The following LZTS1 variants were observed in gnomAD, a reference collection of about 807,000 sequenced individuals.
LZTS1 encodes the protein leucine zipper tumor suppressor 1.
LZTS1 carries 31 observed loss-of-function variants against 45.8 expected under a neutral mutation model. The observed-to-expected ratio is 0.68, with a 90% CI of 0.51 to 0.91. The LOEUF (loss-of-function observed/expected upper bound fraction) is 0.91. Ranked by LOEUF, LZTS1 falls within the 40% of genes least tolerant of loss-of-function variation. The pLI is 0.00. For synonymous variants in LZTS1, 359 were observed against 357.3 expected, an observed-to-expected ratio of 1.00 and a Z score of -0.05; for missense variants, 821 against 788.9, an observed-to-expected ratio of 1.04 and a Z score of -0.49.
intron 1 of LZTS1, among the ~76,000 whole-genome samples, chr8:20,256,265 G>A (rs1400004013): frequency 6.6e-6 from 1 of 152,094 alleles, no homozygotes; most frequent in African/African-American, 2.4e-5. Context: ...AGGAGAAACA[G>A]AAACCAGGAG....
rs1799893445 is a variant in LZTS1, at chr8:20,251,137, AT to A, written c.1150-775del. Among the ~76,000 whole-genome samples, 18 of 89,112 alleles carry A rather than the reference AT, an allele frequency of 2.0e-4. 1 individual carries two copies. The highest frequency in any genetic ancestry group is 7.0e-4 in the Admixed American group (6 of 8,512). 58.5% of individuals were successfully genotyped at this position (89,112 alleles called of 152,430 possible). A position where few individuals can be genotyped will look rare whatever the true frequency, so the allele number is the denominator to read the frequency against. On this transcript the variant is annotated intron_variant, in intron 3 of 3. Transcript: ENST00000381569. ...TATATATATATATATATATATATAT[AT>A]ATATATATATAAAATATAAAGTATA...
intron 1 of LZTS1, among the ~76,000 whole-genome samples, chr8:20,285,517 C>T (rs577840739): frequency 3.3e-5 from 5 of 152,034 alleles, no homozygotes; most frequent in African/African-American, 7.2e-5. Flanking sequence ...TGAATATAAC[C>T]GAAGTTGTGT....
chr8:20,273,427 C>A (rs1183034248), intron 1 of LZTS1, among the ~76,000 whole-genome samples: 1 of 152,190 alleles, frequency 6.6e-6, no homozygotes, highest in East Asian at 1.9e-4. Context: ...AAACATCCAA[C>A]TGCGCTTCCC....
intron 1 of LZTS1, among the ~76,000 whole-genome samples, chr8:20,290,853 AC>A (rs1800889035): frequency 6.6e-6 from 1 of 152,000 alleles, no homozygotes; most frequent in South Asian, 2.1e-4. Context: ...AAGGAGAATA[AC>A]CCCACTTCTG....
At chr8:20,265,962 A>C (rs1800345445) in intron 1 of LZTS1, among the ~76,000 whole-genome samples, 2 of 152,114 alleles carry the variant, frequency 1.3e-5, no homozygotes, top group South Asian at 4.1e-4. Flanking sequence ...GATAGCACTA[A>C]AGCTTCTTTG....
Position 20,253,028 on chromosome 8 carries a change from G to T in LZTS1, c.903C>A (p.Arg301=). Residue 301 remains arginine (R), a synonymous_variant, in exon 3 of 4, where the codon CGC becomes CGA. Transcript: ENST00000381569. ...SSLAYEERPR[R]CRDELEGPEP... ...CCGGGCCCTCCAGCTCGTCCCTGCAGCGCCGCGGCCGCTCCTCGTAGGCCA... is the reference window on the plus strand; with the variant it reads ...CCGGGCCCTCCAGCTCGTCCCTGCATCGCCGCGGCCGCTCCTCGTAGGCCA... 6.2e-7 allele frequency: 1 copy of T among 1,601,792 alleles called. No individual in the cohort carries two copies.
At chr8:20,270,155 C>T (rs759974535) in intron 1 of LZTS1, among the ~76,000 whole-genome samples, 111 of 152,372 alleles carry the variant, frequency 7.3e-4, no homozygotes, top group Admixed American at 1.3e-3. Flanking sequence ...TTCAGTGCGC[C>T]GCGAGGCCCA....
chr8:20,254,771 T>G lies in LZTS1; in HGVS notation c.345+66A>C, dbSNP rs540174968. The G allele has an allele frequency of 1.0e-4, 139 of 1,345,466 alleles. 3 individuals are homozygous for G. The South Asian group carries it at 1.9e-3, about 19-fold the overall frequency. The allele number at this position is 1,345,466 out of a possible 1,614,324, so 83.3% of individuals were successfully genotyped here. ...CCACTCCCCCTGAACCCCCAGGCTCTCCACCCCCATTTTGCTTTCTCCTGC... is the reference window on the plus strand; with the variant it reads ...CCACTCCCCCTGAACCCCCAGGCTCGCCACCCCCATTTTGCTTTCTCCTGC... On this transcript the variant is annotated intron_variant, in intron 2 of 3. Transcript: ENST00000381569.
chr8:20,260,216 T>A (rs1800197223), intron 1 of LZTS1, among the ~76,000 whole-genome samples: 1 of 152,158 alleles, frequency 6.6e-6, no homozygotes, highest in Non-Finnish European at 1.5e-5. Flanking sequence ...CTTATTTTAT[T>A]GATGATTGAT....
intron 1 of LZTS1, among the ~76,000 whole-genome samples, chr8:20,281,256 A>G (rs1335167649): frequency 6.6e-6 from 1 of 152,006 alleles, no homozygotes; most frequent in Admixed American, 6.6e-5. Flanking sequence ...ACCGGGGTGG[A>G]TCCCTCAAGA....
Position 20,250,788 on chromosome 8 carries a change from G to A in LZTS1, c.1150-425C>T, listed in dbSNP as rs1016458516. ...TGATTTTTGTATTTTTAGTAGAGAC[G>A]GGGTTTCCTCATGTTGGCCAGGCTG... On this transcript the variant is annotated intron_variant, in intron 3 of 3. Coordinates refer to ENST00000381569, the MANE Select transcript of LZTS1 (RefSeq NM_021020.5). Among the ~76,000 whole-genome samples, 11 of 151,820 alleles carry A rather than the reference G, an allele frequency of 7.2e-5. 1 individual carries two copies. The highest frequency in any genetic ancestry group is 5.9e-4 in the Admixed American group (9 of 15,238).
chr8:20,301,508 T>A (rs1202952436), intron 1 of LZTS1, among the ~76,000 whole-genome samples: 1 of 152,174 alleles, frequency 6.6e-6, no homozygotes, highest in East Asian at 1.9e-4. Flanking sequence ...TTATTCATCT[T>A]CCTAGCCTCG....
chr8:20,281,522 G>C (rs905526854), intron 1 of LZTS1, among the ~76,000 whole-genome samples: 3 of 152,140 alleles, frequency 2.0e-5, no homozygotes, highest in Non-Finnish European at 4.4e-5. Context: ...AGTGAGCCAA[G>C]ATCGCACCAT....
Position 20,284,983 on chromosome 8 carries a change from G to C in LZTS1, c.-135+18757C>G, listed in dbSNP as rs138416620. On this transcript the variant is annotated intron_variant, in intron 1 of 3. Coordinates refer to ENST00000381569, the MANE Select transcript of LZTS1 (RefSeq NM_021020.5). ...AACTACTTCCTCATGGGGAGAACTC[G>C]GCCGAGCCTCTTTACTCTCTGAGCC... Among the ~76,000 whole-genome samples the C allele has an allele frequency of 1.6e-3, 237 of 152,228 alleles. 1 individual carries two copies. The highest frequency in any genetic ancestry group is 5.2e-3 in the African/African-American group (217 of 41,540).
intron 1 of LZTS1, among the ~76,000 whole-genome samples, chr8:20,301,294 C>T (rs76667939): frequency 0.079 from 12,037 of 152,156 alleles, 562 homozygotes; most frequent in East Asian, 0.11. Flanking sequence ...ATCCCTGCCC[C>T]TCGGTTTTGT....
intron 3 of LZTS1, among the ~76,000 whole-genome samples, chr8:20,250,734 G>C (rs1422888527): frequency 6.6e-6 from 1 of 151,920 alleles, no homozygotes; most frequent in Non-Finnish European, 1.5e-5. Context: ...AAGTAGCTGG[G>C]ATTACAGACA....
chr8:20,263,730 C>T (rs890485759), intron 1 of LZTS1, among the ~76,000 whole-genome samples: 2 of 151,980 alleles, frequency 1.3e-5, no homozygotes, highest in Non-Finnish European at 2.9e-5. Flanking sequence ...CAAAGTGGGG[C>T]GCGGGGTGGA....
At position 20,252,910 on chromosome 8, in the gene LZTS1, C is replaced by T. The variant is rs767648295; in HGVS notation, c.1021G>A (p.Glu341Lys). ...AGCTCCTGCCGGAGCTGCCGCTTCTCCTGCTGAAGCTGCAGTACCTGCAGG... is the reference window on the plus strand; with the variant it reads ...AGCTCCTGCCGGAGCTGCCGCTTCTTCTGCTGAAGCTGCAGTACCTGCAGG... ...LHLQVLQLQQ[E>K]KRQLRQELES... The change falls in exon 3 of 4, where the codon GAG becomes AAG. Residue 341 changes from glutamate (E) to lysine (K), a missense_variant. By Grantham distance (56) the Glu-to-Lys change is moderately conservative. Transcript: ENST00000381569. 6.2e-7 allele frequency: 1 copy of T among 1,610,218 alleles called. No homozygotes were observed. Among genetic ancestry groups the T allele is most frequent in the Non-Finnish European group, 8.5e-7 (1 of 1,178,886 alleles).
rs577110287 is a variant in LZTS1, at chr8:20,272,392, C to T, written c.-134-17077G>A. On this transcript the variant is annotated intron_variant, in intron 1 of 3. Transcript: ENST00000381569. ...CTTTGCTCATGCCCAATTCTCCCTTCTGAGCCTGACCCCCCTTCCCAGATC... is the reference window on the plus strand; with the variant it reads ...CTTTGCTCATGCCCAATTCTCCCTTTTGAGCCTGACCCCCCTTCCCAGATC... Among the ~76,000 whole-genome samples the T allele has an allele frequency of 1.3e-4, 20 of 152,294 alleles. No homozygotes were observed. The East Asian group carries it at 3.3e-3, about 25-fold the overall frequency.
Sources: gnomAD v4.1 joint callset for allele counts (sites outside exome capture counted in the v4.1 genomes callset) on GRCh38, gnomAD v4.1.1 for gene constraint, MANE v1.5 for transcripts, NCBI Gene and HGNC (gene_info 2026-07-23, HGNC 2026-07-21) for gene names.